Variants in TENM2 observed in about 807,000 individuals in gnomAD.
TENM2 encodes teneurin-2.
Under a neutral mutation model 245.2 loss-of-function variants are expected in TENM2, and 52 were observed. That is an observed-to-expected ratio of 0.21 (90% CI 0.17 to 0.27). The LOEUF is 0.27. Among genes scored for constraint, TENM2 ranks in the 10% least tolerant of loss-of-function variants. TENM2 has a pLI of 1.00. For synonymous variants in TENM2, 1,363 were observed against 1,438.9 expected (o/e 0.95, Z 1.19); for missense variants, 3,046 against 3,666.8 (o/e 0.83, Z 4.37).
intron 2 of TENM2, among the ~76,000 whole-genome samples, chr5:167,662,465 A>G (rs12657798): frequency 6.6e-6 from 1 of 152,144 alleles, no homozygotes; most frequent in Non-Finnish European, 1.5e-5. Context: ...TTTAAGCTTT[A>G]TTAGTTAATT....
intron 2 of TENM2, among the ~76,000 whole-genome samples, chr5:167,711,273 C>T (rs556877061): frequency 4.1e-4 from 62 of 152,232 alleles, no homozygotes; most frequent in African/African-American, 7.9e-4. Context: ...GACTAACTTC[C>T]GGGAATATGG....
intron 1 of TENM2, among the ~76,000 whole-genome samples, chr5:167,354,447 G>C (rs1342638161): frequency 1.3e-5 from 2 of 151,990 alleles, no homozygotes; most frequent in East Asian, 3.9e-4. Context: ...TTTCATTTCT[G>C]TTTGCCCTTT....
intron 2 of TENM2, among the ~76,000 whole-genome samples, chr5:167,448,309 C>T (rs939096384): frequency 2.6e-5 from 4 of 151,890 alleles, no homozygotes; most frequent in Non-Finnish European, 4.4e-5. Flanking sequence ...GTTTTCACCA[C>T]GAGCAATAAA....
intron 25 of TENM2, chr5:168,231,169 C>T (rs1764858850): frequency 6.6e-6 from 1 of 152,316 alleles, no homozygotes; most frequent in Non-Finnish European, 1.5e-5. Context: ...GGAACCTCAA[C>T]TGAACCACAG....
At chr5:167,812,447 G>A (rs147397118) in intron 2 of TENM2, among the ~76,000 whole-genome samples, 2 of 152,302 alleles carry the variant, frequency 1.3e-5, no homozygotes, top group East Asian at 3.9e-4. Context: ...AGAACCCTCA[G>A]GATCAGGCAT....
At chr5:167,500,932 A>G (rs1397580467) in intron 2 of TENM2, among the ~76,000 whole-genome samples, 1 of 152,000 alleles carries the variant, frequency 6.6e-6, no homozygotes, top group African/African-American at 2.4e-5. Context: ...ACAACTGCTC[A>G]TTTTTCTCTT....
At chr5:167,940,414 A>T (rs959195121) in intron 3 of TENM2, among the ~76,000 whole-genome samples, 3 of 152,186 alleles carry the variant, frequency 2.0e-5, no homozygotes, top group Non-Finnish European at 4.4e-5. Flanking sequence ...TGAGTTTTTT[A>T]AAAAATGGGT....
intron 1 of TENM2, among the ~76,000 whole-genome samples, chr5:167,307,072 C>T (rs543023517): frequency 6.6e-6 from 1 of 152,152 alleles, no homozygotes; most frequent in Non-Finnish European, 1.5e-5. Flanking sequence ...CCATACTCCC[C>T]GCAACACTGG....
chr5:167,985,506 GAAC>G (rs1005689351), intron 4 of TENM2, among the ~76,000 whole-genome samples: 1 of 152,182 alleles, frequency 6.6e-6, no homozygotes, highest in Admixed American at 6.5e-5. Context: ...CGTGAGCAAA[GAAC>G]AACATGTCAG....
Position 168,216,985 on chromosome 5 carries a change from CTG to C in TENM2, c.4233+65_4233+66del, listed in dbSNP as rs1425403923. 10 of 1,568,372 alleles carry C rather than the reference CTG, an allele frequency of 6.4e-6. No homozygotes were observed. The Admixed American group carries it at 1.7e-4, about 27-fold the overall frequency. On this transcript the variant is annotated intron_variant, in intron 22 of 28. Transcript: ENST00000518659. ...CTGCCCCTTGGCCTGAGGTTCTTAC[CTG>C]TTTCCTGTTTGGTTTGGAAGTGGAA...
chr5:167,468,793 C>T (rs915154384), intron 2 of TENM2, among the ~76,000 whole-genome samples: 13 of 151,924 alleles, frequency 8.6e-5, no homozygotes, highest in Non-Finnish European at 2.9e-5. Flanking sequence ...TGTATGTATC[C>T]CAGCTTTTTA....
intron 3 of TENM2, among the ~76,000 whole-genome samples, chr5:167,894,034 C>T (rs962134788): frequency 2.6e-5 from 4 of 152,198 alleles, no homozygotes; most frequent in Non-Finnish European, 4.4e-5. Context: ...AATGCGGCAG[C>T]ATAATCATTT....
chr5:167,993,078 C>T (rs1419449534), exon 5 of TENM2: 4 of 1,613,886 alleles, frequency 2.5e-6, no homozygotes, highest in Non-Finnish European at 3.4e-6. Flanking sequence ...TCCAGGAAGG[C>T]TTTCAAGCTG....
At chr5:167,037,866 G>A in the TENM2 span, among the ~76,000 whole-genome samples, 1 of 152,134 alleles carries the variant, frequency 6.6e-6, no homozygotes, top group Non-Finnish European at 1.5e-5. Context: ...AGGCACAGAG[G>A]GTTCAAGACC....
At chr5:167,907,502 T>C (rs1232616197) in intron 3 of TENM2, among the ~76,000 whole-genome samples, 1 of 139,238 alleles carries the variant, frequency 7.2e-6, no homozygotes. Flanking sequence ...TCTGCCTTAG[T>C]AATTTTGTTT....
chr5:167,001,987 G>A, the TENM2 span, among the ~76,000 whole-genome samples: 1 of 151,858 alleles, frequency 6.6e-6, no homozygotes, highest in African/African-American at 2.4e-5. Flanking sequence ...AATTCTTTTT[G>A]TACTTATATC....
intron 2 of TENM2, among the ~76,000 whole-genome samples, chr5:167,733,590 G>A (rs545013724): frequency 3.9e-5 from 6 of 152,134 alleles, no homozygotes; most frequent in African/African-American, 7.2e-5. Flanking sequence ...TAAGACTTGC[G>A]CCAGAGTACC....
At chr5:167,233,699 T>G in the TENM2 span, among the ~76,000 whole-genome samples, 1 of 152,176 alleles carries the variant, frequency 6.6e-6, no homozygotes, top group Non-Finnish European at 1.5e-5. Flanking sequence ...ATTTTTCCCC[T>G]AAGTATAAAA....
chr5:167,193,478 T>C, the TENM2 span, among the ~76,000 whole-genome samples: 22 of 151,876 alleles, frequency 1.4e-4, no homozygotes, highest in African/African-American at 4.3e-4. Flanking sequence ...CTCCATCACA[T>C]AGTTTGTAAC....
Sources: allele counts gnomAD v4.1 joint callset (sites outside exome capture counted in the v4.1 genomes callset), GRCh38; gene constraint gnomAD v4.1.1; transcripts MANE v1.5; gene names NCBI Gene and HGNC (gene_info 2026-07-23, HGNC 2026-07-21).